Variants in RMND5B observed in about 807,000 individuals in gnomAD.
The protein encoded by RMND5B is required for meiotic nuclear division 5 homolog B.
Under a neutral mutation model 50.4 loss-of-function variants are expected in RMND5B, and 42 were observed. The observed-to-expected ratio is 0.83, with a 90% CI of 0.65 to 1.08. RMND5B has a LOEUF of 1.08. RMND5B is among the 50% of genes least tolerant of loss of function. The pLI, the probability that RMND5B is intolerant of heterozygous loss-of-function variation, is 0.00. For missense variants in RMND5B, 463 were observed against 508.5 expected, an observed-to-expected ratio of 0.91 and a Z score of 0.86; for synonymous variants, 220 against 210.0, an observed-to-expected ratio of 1.05 and a Z score of -0.41.
Position 178,149,779 on chromosome 5 carries a change from A to G in RMND5B, c.*1747A>G, listed in dbSNP as rs769763413. ...CATCGTAAGCCTCCTGGTACTCCTC[A>G]TGGGGCTTGACCATTATCACACAGG... On this transcript the variant is annotated 3_prime_UTR_variant, in exon 11 of 11. Transcript: ENST00000313386. 1.9e-6 allele frequency: 3 copies of G among 1,614,012 alleles called. No homozygotes were observed. Among genetic ancestry groups the G allele is most frequent in the Non-Finnish European group, 2.5e-6 (3 of 1,179,946 alleles).
rs746710271 is a variant in RMND5B, at chr5:178,138,252, A to G, written c.133A>G (p.Ser45Gly). Residue 45 changes from serine to glycine, a missense_variant, in exon 3 of 11, where the codon AGC becomes GGC. Ser to Gly is a moderately conservative substitution (Grantham distance 56). Transcript: ENST00000313386. This position sits in a 1 kb window ranked among gnomAD's most constrained non-coding sequence, Gnocchi z 5.1. Reference sequence around the variant, plus strand: ...GGGCCAGCTGCGGGCTGAGCTGGCCAGCGCAGGTGGGTGGCCACCCTTGCA... The same window carrying G: ...GGGCCAGCTGCGGGCTGAGCTGGCCGGCGCAGGTGGGTGGCCACCCTTGCA... ...YVGQLRAELA[S>G]AALQGTPLSA... is the part of the protein sequence containing the mutation. 2 of 1,612,920 alleles carry G rather than the reference A, an allele frequency of 1.2e-6. No individual in the cohort carries two copies. Among genetic ancestry groups the G allele is most frequent in the South Asian group, 1.1e-5 (1 of 90,960 alleles).
rs7380934 is a variant in RMND5B at position 178,147,900 on chromosome 5, C to A, written c.1118+17C>A. On this transcript the variant is annotated intron_variant, in intron 10 of 10. Transcript: ENST00000313386. ...TGGAGGAAAGTAAGTTCCCCGTGCTCTACTCCACCTTGGCTTGGCTCTCCT... is the reference window on the plus strand; with the variant it reads ...TGGAGGAAAGTAAGTTCCCCGTGCTATACTCCACCTTGGCTTGGCTCTCCT... 10 of 1,613,788 alleles carry A rather than the reference C, an allele frequency of 6.2e-6. No individual in the cohort carries two copies. The highest frequency in any genetic ancestry group is 8.5e-6 in the Non-Finnish European group (10 of 1,179,990).
rs200468025 is a variant in RMND5B at position 178,147,619 on chromosome 5, A to G, written c.947A>G (p.His316Arg). 3.3e-5 allele frequency: 53 copies of G among 1,614,172 alleles called. No homozygotes were observed. The highest frequency in any genetic ancestry group is 1.6e-4 in the Middle Eastern group (1 of 6,062). The change falls in exon 9 of 11, where the codon CAC (histidine) becomes CGC (arginine). Residue 316 changes from histidine to arginine, a missense_variant. Physicochemically the swap from His to Arg is conservative, Grantham distance 29. Transcript: ENST00000313386. ...EQRQCTGVWN[H>R]KDELPIEIEL... Reference sequence around the variant, plus strand: ...CGGCAGTGCACTGGGGTCTGGAATCACAAGGACGAGTTACCGGTGAGGCCT... The same window carrying G: ...CGGCAGTGCACTGGGGTCTGGAATCGCAAGGACGAGTTACCGGTGAGGCCT...
intron 6 of RMND5B, 25 bp from the exon 7 acceptor site, chr5:178,143,912 TCTACA>T: frequency 6.2e-7 from 1 of 1,611,466 alleles, no homozygotes; most frequent in Non-Finnish European, 8.5e-7. Context: ...CCCCACCAGC[TCTACA>T]CTAAACTGGC....
rs774425132 is a variant in RMND5B at position 178,148,020 on chromosome 5, C to T, written c.1170C>T (p.Arg390=). ...AGCAGAACCCGGCAGATGGGAAACG[C>T]ATCATATTCTGATTCCTACCTGGAA... The part of the protein sequence containing the change: ...PMEQNPADGK[R]IIF The change falls in exon 11 of 11, where the codon CGC becomes CGT. Residue 390 remains arginine, a synonymous_variant. Transcript: ENST00000313386. The T allele has an allele frequency of 6.2e-7, 1 of 1,614,106 alleles. No individual in the cohort carries two copies. The highest frequency in any genetic ancestry group is 8.5e-7 in the Non-Finnish European group (1 of 1,180,006).
In RMND5B at chr5:178,143,113, CT is replaced by C. The variant is rs1246388576; in HGVS notation, c.426+122del. The C allele has an allele frequency of 4.3e-6, 5 of 1,172,542 alleles. No homozygotes were observed. In the Admixed American group the frequency reaches 1.3e-4, roughly 31 times the overall value. 72.6% of individuals were successfully genotyped at this position (1,172,542 alleles called of 1,614,324 possible). ...TATTTCCTAAAGGAAATCAGCACCT[CT>C]GCCAGAAGCAGAAGGTAGCTTTAAA... On this transcript the variant is annotated intron_variant, in intron 5 of 10. Transcript: ENST00000313386.
intron 3 of RMND5B, among the ~76,000 whole-genome samples, chr5:178,139,948 AC>A (rs2113406568): frequency 6.6e-6 from 1 of 152,120 alleles, no homozygotes; most frequent in African/African-American, 2.4e-5. Flanking sequence ...TCTAATCTTT[AC>A]TTTTTTTAAT....
chr5:178,136,756 C>T (rs1362491573), intron 2 of RMND5B, among the ~76,000 whole-genome samples: 1 of 152,172 alleles, frequency 6.6e-6, no homozygotes, highest in Non-Finnish European at 1.5e-5. Context: ...GCTAGATCAG[C>T]TCTGTCACTG....
At chr5:178,142,521 C>T in intron 3 of RMND5B, 62 bp from the exon 4 acceptor site, 1 of 1,552,036 alleles carries the variant, frequency 6.4e-7, no homozygotes, top group South Asian at 1.2e-5. Context: ...GAGCTAAGGT[C>T]TGCTGCCAAG....
In RMND5B at chr5:178,147,842, T is replaced by C. The variant is rs769698292; in HGVS notation, c.1077T>C (p.Val359=). ...NPPIKLICGH[V]ISRDALNKLI... ...CCATCAAGCTCATCTGTGGCCATGT[T>C]ATCTCCCGAGATGCACTCAATAAGC... Residue 359 remains valine, a synonymous_variant, in exon 10 of 11, where the codon GTT becomes GTC. Coordinates refer to ENST00000313386, the MANE Select transcript of RMND5B (RefSeq NM_022762.5). The C allele has an allele frequency of 1.2e-6, 2 of 1,613,992 alleles. No homozygotes were observed. Among genetic ancestry groups the C allele is most frequent in the African/African-American group, 1.3e-5 (1 of 74,894 alleles).
intron 2 of RMND5B, among the ~76,000 whole-genome samples, chr5:178,133,115 G>C (rs990553216): frequency 1.3e-5 from 2 of 151,576 alleles, no homozygotes; most frequent in Admixed American, 6.6e-5. Context: ...CGCCTGCCTC[G>C]GCCTCCCAAA....
At chr5:178,134,840 G>A (rs1758530876) in intron 2 of RMND5B, among the ~76,000 whole-genome samples, 2 of 151,166 alleles carry the variant, frequency 1.3e-5, no homozygotes, top group Admixed American at 1.3e-4. Context: ...AAAGCCAGGT[G>A]TGGTGGTGCA....
intron 2 of RMND5B, among the ~76,000 whole-genome samples, chr5:178,133,757 G>C (rs537042166): frequency 6.7e-6 from 1 of 148,814 alleles, no homozygotes; most frequent in South Asian, 2.1e-4. Flanking sequence ...TGTCTCCCAG[G>C]CTGGAGTGCA....
At position 178,149,755 on chromosome 5, in the gene RMND5B, A is replaced by G; in HGVS notation, c.*1723A>G. ...GGGACTGCACCTCCTCCAGGCACTC[A>G]TCGTAAGCCTCCTGGTACTCCTCAT... On this transcript the variant is annotated 3_prime_UTR_variant, in exon 11 of 11. Transcript: ENST00000313386. 1 of 1,614,072 alleles carries G rather than the reference A, an allele frequency of 6.2e-7. No homozygotes were observed. Among genetic ancestry groups the G allele is most frequent in the East Asian group, 2.2e-5 (1 of 44,874 alleles).
In RMND5B at chr5:178,150,454, C is replaced by T; in HGVS notation, c.*2422C>T. The T allele has an allele frequency of 2.8e-6, 1 of 351,382 alleles. No individual in the cohort carries two copies. Among genetic ancestry groups the T allele is most frequent in the South Asian group, 2.2e-5 (1 of 45,550 alleles). The allele number at this position is 351,382 out of a possible 1,614,324, so 21.8% of individuals were successfully genotyped here. ...AGTGTGGTGGTGTATGATCATGGCT[C>T]ACTGCAGCCTTGAACTCCTGGGTTC... On this transcript the variant is annotated 3_prime_UTR_variant, in exon 11 of 11. Transcript: ENST00000313386.
chr5:178,135,063 G>C (rs1276287425), intron 2 of RMND5B: 1 of 154,228 alleles, frequency 6.5e-6, no homozygotes, highest in African/African-American at 2.4e-5. Flanking sequence ...TTTCTCCTTT[G>C]TATTTATATT....
In RMND5B at chr5:178,149,633, G is replaced by T; in HGVS notation, c.*1601G>T. ...AACTGGGAAGATGCCGTCAGTGTGG[G>T]TGGGCAGGAGGACAGCCAGTCGTCC... On this transcript the variant is annotated 3_prime_UTR_variant, in exon 11 of 11. Transcript: ENST00000313386. The T allele has an allele frequency of 6.3e-7, 1 of 1,589,924 alleles. No homozygotes were observed. Among genetic ancestry groups the T allele is most frequent in the Non-Finnish European group, 8.6e-7 (1 of 1,163,532 alleles).
intron 7 of RMND5B, among the ~76,000 whole-genome samples, chr5:178,145,109 G>C (rs1406490567): frequency 2.0e-5 from 3 of 152,078 alleles, no homozygotes; most frequent in Non-Finnish European, 4.4e-5. Context: ...GCAGTAAGTG[G>C]TGTGATCCCG....
At chr5:178,135,708 G>T (rs972847170) in intron 2 of RMND5B, among the ~76,000 whole-genome samples, 1 of 152,012 alleles carries the variant, frequency 6.6e-6, no homozygotes, top group Non-Finnish European at 1.5e-5. Context: ...CAGCCTTTTC[G>T]CTGAGATCAA....
Sources: allele counts gnomAD v4.1 joint callset (sites outside exome capture counted in the v4.1 genomes callset), GRCh38; gene constraint gnomAD v4.1.1; non-coding constraint Gnocchi (gnomAD v3.1); transcripts MANE v1.5; gene names NCBI Gene and HGNC (gene_info 2026-07-23, HGNC 2026-07-21).